Variants in RASIP1 observed in about 807,000 individuals in gnomAD.
RASIP1 encodes the protein ras-interacting protein 1.
A neutral mutation model predicts 85.3 loss-of-function variants in RASIP1; 20 were observed. The observed-to-expected ratio is 0.23, with a 90% CI of 0.17 to 0.34. RASIP1 has a LOEUF of 0.34. RASIP1 is among the 10% of genes least tolerant of loss of function. RASIP1 has a pLI of 1.00. For synonymous variants in RASIP1, 617 were observed against 647.1 expected, an observed-to-expected ratio of 0.95 and a Z score of 0.71; for missense variants, 1,170 against 1,390.9, an observed-to-expected ratio of 0.84 and a Z score of 2.53.
chr19:48,720,776 C>T lies in RASIP1; in HGVS notation c.*22G>A, dbSNP rs1048129282. 82 of 1,611,758 alleles carry T rather than the reference C, an allele frequency of 5.1e-5. 1 individual carries two copies. Among genetic ancestry groups the T allele is most frequent in the Non-Finnish European group, 6.7e-5 (79 of 1,178,248 alleles). ...GAAGCCCGTGACATTTCAAGGTTCG[C>T]GCGCTCGTTTGGTATTGGTTCTCAA... On this transcript the variant is annotated 3_prime_UTR_variant, in exon 12 of 12. Transcript: ENST00000222145.
intron 4 of RASIP1, among the ~76,000 whole-genome samples, chr19:48,734,779 G>A (rs376117954): frequency 6.6e-6 from 1 of 151,996 alleles, no homozygotes; most frequent in African/African-American, 2.4e-5. Flanking sequence ...GAGCCACTGC[G>A]CCAGGCCTAA....
At chr19:48,729,745 C>A (rs1323501562) in intron 4 of RASIP1, among the ~76,000 whole-genome samples, 155 bp from the exon 5 acceptor site, 1 of 127,824 alleles carries the variant, frequency 7.8e-6, no homozygotes, top group Non-Finnish European at 1.6e-5. Flanking sequence ...GATGGAGTCT[C>A]GCTCTGTCCT....
At chr19:48,730,437 C>T (rs1008081573) in intron 4 of RASIP1, among the ~76,000 whole-genome samples, 1 of 152,160 alleles carries the variant, frequency 6.6e-6, no homozygotes, top group Non-Finnish European at 1.5e-5. Context: ...GCTGGGATTA[C>T]AGGTGTGAGC....
chr19:48,732,652 C>T (rs951901613), intron 4 of RASIP1, among the ~76,000 whole-genome samples: 3 of 152,146 alleles, frequency 2.0e-5, no homozygotes, highest in African/African-American at 7.2e-5. Context: ...TGACCACCTT[C>T]CCAAAAGAGA....
chr19:48,729,452 C>T lies in RASIP1; in HGVS notation c.1318G>A (p.Val440Met). The change falls in exon 5 of 12, where the codon GTG becomes ATG. Residue 440 changes from valine (V) to methionine (M), a missense_variant. This residue lies in a region of RASIP1 where 301 missense variants were observed against 294.8 expected (regional missense o/e 1.02). Transcript: ENST00000222145. ...APDILPRHCTVRAGPEHPAMV... is the reference protein window; with the variant it reads ...APDILPRHCTMRAGPEHPAMV... ...GCCGGGTGCTCAGGGCCCGCGCGCACTGTGCAGTGACGCGGCAGGATGTCC... is the reference window on the plus strand; with the variant it reads ...GCCGGGTGCTCAGGGCCCGCGCGCATTGTGCAGTGACGCGGCAGGATGTCC... 6.4e-7 allele frequency: 1 copy of T among 1,569,976 alleles called. No homozygotes were observed. The highest frequency in any genetic ancestry group is 8.6e-7 in the Non-Finnish European group (1 of 1,158,280).
Position 48,721,866 on chromosome 19 carries a change from C to T in RASIP1, c.2680G>A (p.Ala894Thr), listed in dbSNP as rs2033253208. 6.2e-7 allele frequency: 1 copy of T among 1,606,304 alleles called. No individual in the cohort carries two copies. Among genetic ancestry groups the T allele is most frequent in the Non-Finnish European group, 8.5e-7 (1 of 1,176,800 alleles). Reference sequence around the variant, plus strand: ...CATTGCTCCTCACCTGTGTCCACAGCCTCCCGCTCTGCAGGGGGAGGGTCC... The same window carrying T: ...CATTGCTCCTCACCTGTGTCCACAGTCTCCCGCTCTGCAGGGGGAGGGTCC... ...AWDPPPAERE[A>T]VDTGDIFESF... Residue 894 changes from alanine (A) to threonine (T), a missense_variant, in exon 11 of 12, where the codon GCT becomes ACT. Physicochemically the swap from Ala to Thr is moderately conservative, Grantham distance 58 (BLOSUM62 0). Coordinates refer to ENST00000222145, the MANE Select transcript of RASIP1 (RefSeq NM_017805.3).
chr19:48,726,371 C>T (rs1008329369), intron 8 of RASIP1, among the ~76,000 whole-genome samples: 4 of 152,238 alleles, frequency 2.6e-5, no homozygotes, highest in East Asian at 3.9e-4. Flanking sequence ...GGATTATAGG[C>T]GCAGGCCACC....
At position 48,724,748 on chromosome 19, in the gene RASIP1, G is replaced by A. The variant is rs114251138; in HGVS notation, c.2340C>T (p.Asn780=). ...QTFGYLFFFS[N]ASLLNSLMER... ...CCATCAGCGAGTTGAGAAGGGATGC[G>A]TTGGAGAAGAAGAACAAGTAGCCAA... is the stretch of plus-strand genomic sequence containing the variant. The change falls in exon 9 of 12, where the codon AAC becomes AAT. Residue 780 remains asparagine, a synonymous_variant. Coordinates refer to ENST00000222145, the MANE Select transcript of RASIP1 (RefSeq NM_017805.3). The surrounding 1 kb of genome is among the most constrained non-coding windows in gnomAD (Gnocchi z 4.6). The A allele has an allele frequency of 6.8e-4, 1,104 of 1,614,206 alleles. 10 individuals are homozygous for A. In the African/African-American group the frequency reaches 0.011, roughly 16 times the overall value.
chr19:48,737,164 C>T (rs1352916899), intron 3 of RASIP1, among the ~76,000 whole-genome samples: 2 of 152,164 alleles, frequency 1.3e-5, no homozygotes, highest in African/African-American at 4.8e-5. Context: ...TATTAAGCAC[C>T]TACTCTGTGC....
Position 48,740,586 on chromosome 19 carries a change from T to G in RASIP1, c.-70A>C. On this transcript the variant is annotated 5_prime_UTR_variant, in exon 1 of 12. Transcript: ENST00000222145. The surrounding 1 kb of genome is among the most constrained non-coding windows in gnomAD (Gnocchi z 5.5). The stretch of plus-strand genomic sequence containing the variant: ...TGGCCTGGGTCAGTTCCACTGCTCT[T>G]GCCTCTGCCACGGCTCCCAGCACTG... The G allele has an allele frequency of 2.2e-6, 3 of 1,386,690 alleles. No individual in the cohort carries two copies. Among genetic ancestry groups the G allele is most frequent in the Non-Finnish European group, 2.8e-6 (3 of 1,073,248 alleles). The allele number at this position is 1,386,690 out of a possible 1,614,324, so 85.9% of individuals were successfully genotyped here. A position where few individuals can be genotyped will look rare whatever the true frequency, so the allele number is the denominator to read the frequency against.
At chr19:48,735,700 G>A in intron 3 of RASIP1, 149 bp from the exon 4 acceptor site, 1 of 744,314 alleles carries the variant, frequency 1.3e-6, no homozygotes, top group Non-Finnish European at 2.1e-6. Flanking sequence ...TGTTCCCTGT[G>A]CGTGGAACAC....
chr19:48,723,541 CAG>C (rs2033287116), intron 10 of RASIP1, among the ~76,000 whole-genome samples: 2 of 114,988 alleles, frequency 1.7e-5, no homozygotes. Context: ...GCCTGGGTGA[CAG>C]AGTGAGACTC....
intron 8 of RASIP1, 39 bp downstream of exon 8, chr19:48,726,746 G>C (rs773714559): frequency 6.9e-7 from 1 of 1,452,530 alleles, no homozygotes; most frequent in South Asian, 1.2e-5. Context: ...AACAGGAAGT[G>C]ATGCTATGTC....
Position 48,727,149 on chromosome 19 carries a change from C to T in RASIP1, c.1881G>A (p.Glu627=), listed in dbSNP as rs1457896230. ...IGDRQPENHP[E]GVPEVPLTPE... ...GAGTCAGGGGCACCTCGGGGACCCC[C>T]TCAGGGTGGCTTGAAAAAGAGGAAG... is the stretch of plus-strand genomic sequence containing the variant. The change falls in exon 7 of 12, where the codon GAG becomes GAA. Residue 627 remains glutamate, a synonymous_variant. Coordinates refer to ENST00000222145, the MANE Select transcript of RASIP1 (RefSeq NM_017805.3). 6.2e-7 allele frequency: 1 copy of T among 1,613,742 alleles called. No individual in the cohort carries two copies. Among genetic ancestry groups the T allele is most frequent in the African/African-American group, 1.3e-5 (1 of 74,912 alleles).
chr19:48,734,487 TTTC>T (rs1337432943), intron 4 of RASIP1, among the ~76,000 whole-genome samples: 1 of 14,804 alleles, frequency 6.8e-5, no homozygotes, highest in Admixed American at 7.7e-4. Context: ...CTTTTTTTTC[TTTC>T]TTTTTTTTTT....
In RASIP1 at chr19:48,724,468, T is replaced by C. The variant is rs141461244; in HGVS notation, c.2413A>G (p.Ile805Val). 2 of 1,613,996 alleles carry C rather than the reference T, an allele frequency of 1.2e-6. No individual in the cohort carries two copies. Among genetic ancestry groups the C allele is most frequent in the Non-Finnish European group, 1.7e-6 (2 of 1,180,018 alleles). The change falls in exon 10 of 12, where the codon ATC becomes GTC. Residue 805 changes from isoleucine to valine, a missense_variant. Physicochemically the swap from Ile to Val is conservative, Grantham distance 29. This residue lies in a region of RASIP1 where 426 missense variants were observed against 576.2 expected (regional missense o/e 0.74). Transcript: ENST00000222145. The surrounding 1 kb of genome is among the most constrained non-coding windows in gnomAD (Gnocchi z 4.6). ...AAGACGAGGTCCAGGTTGGTTCGGA[T>C]TTGAACAGCTCGGGACCATTGATAG... ...PFYQWSRAVQ[I>V]RTNLDLVLDW... is the part of the protein sequence containing the mutation.
At position 48,740,166 on chromosome 19, in the gene RASIP1, C is replaced by A; in HGVS notation, c.117G>T (p.Trp39Cys). 1 of 1,594,110 alleles carries A rather than the reference C, an allele frequency of 6.3e-7. No individual in the cohort carries two copies. The highest frequency in any genetic ancestry group is 8.5e-7 in the Non-Finnish European group (1 of 1,172,926). The change falls in exon 2 of 12, where the codon TGG (tryptophan) becomes TGT (cysteine). Residue 39 changes from tryptophan (W) to cysteine (C), a missense_variant. Transcript: ENST00000222145. The surrounding 1 kb of genome is among the most constrained non-coding windows in gnomAD (Gnocchi z 5.5). Reference protein sequence around the residue: ...RKQLAKLGRRWPSAASVKSSS... With the variant: ...RKQLAKLGRRCPSAASVKSSS... ...CTCACTTGACAGAGGCTGCGCTGGGCCAGCGCCGCCCCAGCTTCGCCAGCT... is the reference window on the plus strand; with the variant it reads ...CTCACTTGACAGAGGCTGCGCTGGGACAGCGCCGCCCCAGCTTCGCCAGCT...
Position 48,729,467 on chromosome 19 carries a change from G to T in RASIP1, c.1303C>A (p.Pro435Thr), listed in dbSNP as rs1165776811. Residue 435 changes from proline (P) to threonine (T), a missense_variant, in exon 5 of 12, where the codon CCG becomes ACG. By Grantham distance (38) the Pro-to-Thr change is conservative. Around this residue, in one of 4 missense-constraint regions of RASIP1, gnomAD observed 301 missense variants for 294.8 expected, o/e 1.02. Coordinates refer to ENST00000222145, the MANE Select transcript of RASIP1 (RefSeq NM_017805.3). ...CCCGCGCGCACTGTGCAGTGACGCG[G>T]CAGGATGTCCGGGGCGTTGAGGAAG... is the stretch of plus-strand genomic sequence containing the variant. ...DTFLNAPDIL[P>T]RHCTVRAGPE... is the part of the protein sequence containing the mutation. 6 of 1,575,470 alleles carry T rather than the reference G, an allele frequency of 3.8e-6. No homozygotes were observed. Among genetic ancestry groups the T allele is most frequent in the Non-Finnish European group, 5.2e-6 (6 of 1,161,354 alleles).
chr19:48,722,073 A>G, intron 10 of RASIP1, 72 bp from the exon 11 acceptor site: 1 of 1,323,294 alleles, frequency 7.6e-7, no homozygotes, highest in African/African-American at 1.5e-5. Flanking sequence ...AAGGGCTTCC[A>G]TAAGGGGAGT....
Sources: allele counts gnomAD v4.1 joint callset (sites outside exome capture counted in the v4.1 genomes callset), GRCh38; gene constraint gnomAD v4.1.1; regional missense constraint gnomAD v4.1.1; non-coding constraint Gnocchi (gnomAD v3.1); transcripts MANE v1.5; gene names NCBI Gene and HGNC (gene_info 2026-07-23, HGNC 2026-07-21).